DOCK5: variants seen among roughly 807,000 people sequenced by gnomAD.
DOCK5 encodes dedicator of cytokinesis 5, also known as dedicator of cytokinesis protein 5.
Under a neutral mutation model 251.8 loss-of-function variants are expected in DOCK5, and 142 were observed. The ratio of observed to expected loss-of-function variants is 0.56; its 90% CI spans 0.49 to 0.65. DOCK5 has a LOEUF of 0.65. DOCK5 is among the 30% of genes least tolerant of loss of function. DOCK5 has a pLI of 0.00. For synonymous variants in DOCK5, 842 were observed against 835.5 expected (o/e 1.01, Z -0.13); for missense variants, 2,111 against 2,312.3 (o/e 0.91, Z 1.79).
chr8:25,278,540 G>C (rs768219732), intron 4 of DOCK5, 29 bp from the exon 5 acceptor site: 2 of 1,609,806 alleles, frequency 1.2e-6, no homozygotes, highest in Admixed American at 1.7e-5. Flanking sequence ...CAGCCTAGAA[G>C]AAAGTGACCC....
At chr8:25,314,162 G>A (rs1222305093) in intron 13 of DOCK5, among the ~76,000 whole-genome samples, 1 of 149,652 alleles carries the variant, frequency 6.7e-6, no homozygotes, top group Non-Finnish European at 1.5e-5. Context: ...GCAGGCTGGA[G>A]TATAGTTGTG....
chr8:25,220,637 A>C (rs1200428034), intron 1 of DOCK5, among the ~76,000 whole-genome samples: 1 of 152,058 alleles, frequency 6.6e-6, no homozygotes, highest in Non-Finnish European at 1.5e-5. Flanking sequence ...TTTGAGACAG[A>C]GCCTTGCTGT....
intron 28 of DOCK5, among the ~76,000 whole-genome samples, chr8:25,360,047 T>G (rs17053452): frequency 0.27 from 41,838 of 152,140 alleles, 6,593 homozygotes; most frequent in East Asian, 0.35. Context: ...TGTTGTCATG[T>G]TGACACTAGT....
At chr8:25,196,224 G>T (rs1801722400) in intron 1 of DOCK5, among the ~76,000 whole-genome samples, 1 of 152,200 alleles carries the variant, frequency 6.6e-6, no homozygotes, top group Non-Finnish European at 1.5e-5. Flanking sequence ...GGAGGAAGGG[G>T]CACTGCAGAC....
At chr8:25,391,861 A>G in intron 42 of DOCK5, 35 bp from the exon 43 acceptor site, 1 of 1,600,966 alleles carries the variant, frequency 6.2e-7, no homozygotes, top group Middle Eastern at 1.7e-4. Context: ...TTGTTCTAAG[A>G]GAGAAAAATA....
intron 27 of DOCK5, among the ~76,000 whole-genome samples, chr8:25,352,817 CA>C (rs1210091446): frequency 6.6e-6 from 1 of 151,918 alleles, no homozygotes; most frequent in Non-Finnish European, 1.5e-5. Context: ...TAGGAGGCAA[CA>C]GGGGCTAGAG....
chr8:25,410,966 TGTGTGTGCGCGC>T (rs773637542), intron 51 of DOCK5, among the ~76,000 whole-genome samples: 1 of 81,926 alleles, frequency 1.2e-5, no homozygotes, highest in Non-Finnish European at 2.5e-5. Flanking sequence ...TGTGTGTGTG[TGTGTGTGCGCGC>T]GCGCGCACGC....
chr8:25,254,788 C>CAAAAAAAAAAAAAA (rs1314015647), intron 2 of DOCK5, among the ~76,000 whole-genome samples: 1 of 73,768 alleles, frequency 1.4e-5, no homozygotes, highest in Non-Finnish European at 2.2e-5. Context: ...AAAAACAAAA[C>CAAAAAAAAAAAAAA]AAAACAAAAA....
In DOCK5 at chr8:25,369,642, G is replaced by A. The variant is rs756142269; in HGVS notation, c.3524+1G>A. ...AATACAAGGTTCTTCTGGAAAAACT[G>A]TGAGTATTTCAGGAACGAAACCTGA... is the stretch of plus-strand genomic sequence containing the variant. On this transcript the variant is annotated splice_donor_variant, in intron 34 of 51. Transcript: ENST00000276440. LOFTEE classifies it high-confidence loss of function. 1.4e-5 allele frequency: 22 copies of A among 1,604,678 alleles called. No homozygotes were observed.
chr8:25,339,926 A>G (rs1056163900), intron 22 of DOCK5, among the ~76,000 whole-genome samples: 2 of 152,186 alleles, frequency 1.3e-5, no homozygotes, highest in African/African-American at 4.8e-5. Flanking sequence ...TTAAGAGGCC[A>G]TTGTGGTTTA....
intron 1 of DOCK5, among the ~76,000 whole-genome samples, chr8:25,227,361 G>A (rs1456180220): frequency 6.6e-6 from 1 of 151,032 alleles, no homozygotes. Context: ...AAGATAGGGA[G>A]TCTAATTTTG....
At chr8:25,359,491 A>C (rs1586360542) in intron 28 of DOCK5, among the ~76,000 whole-genome samples, 1 of 152,222 alleles carries the variant, frequency 6.6e-6, no homozygotes, top group Admixed American at 6.5e-5. Flanking sequence ...TGCCCTTTAC[A>C]ACTGGTCCGT....
At chr8:25,190,360 A>G (rs761975154) in intron 1 of DOCK5, among the ~76,000 whole-genome samples, 4 of 152,248 alleles carry the variant, frequency 2.6e-5, no homozygotes, top group Non-Finnish European at 5.9e-5. Context: ...TTAATGCATA[A>G]AGTACCAAGA....
intron 1 of DOCK5, among the ~76,000 whole-genome samples, chr8:25,189,154 G>A (rs1199973109): frequency 6.7e-6 from 1 of 149,526 alleles, no homozygotes; most frequent in Non-Finnish European, 1.5e-5. Context: ...CCAAGTTGCT[G>A]GAACTGCAGG....
intron 1 of DOCK5, among the ~76,000 whole-genome samples, chr8:25,242,393 A>C (rs1586257887): frequency 6.6e-6 from 1 of 152,180 alleles, no homozygotes; most frequent in South Asian, 2.1e-4. Context: ...GAAGTTCCCC[A>C]ACTGTTTTCA....
chr8:25,387,205 G>GAGACA (rs71880062), intron 40 of DOCK5, among the ~76,000 whole-genome samples: 9 of 816 alleles, frequency 0.011, no homozygotes, highest in Non-Finnish European at 0.029. Flanking sequence ...TTTTTTTTAA[G>GAGACA]AGGTCTCGCT....
At position 25,307,250 on chromosome 8, in the gene DOCK5, C is replaced by T. The variant is rs1249740482; in HGVS notation, c.1050-1533C>T. ...TCTCCTGCCTCAGCCTCCTGAGTAG[C>T]TGAGATTACAGGTGCATGCCATTAC... On this transcript the variant is annotated intron_variant, in intron 11 of 51. Coordinates refer to ENST00000276440, the MANE Select transcript of DOCK5 (RefSeq NM_024940.8). Among the ~76,000 whole-genome samples, 4 of 152,054 alleles carry T rather than the reference C, an allele frequency of 2.6e-5. No homozygotes were observed. In the East Asian group the frequency reaches 7.7e-4, roughly 29 times the overall value.
chr8:25,305,304 A>AAC (rs1023454727), intron 11 of DOCK5: 1 of 152,180 alleles, frequency 6.6e-6, no homozygotes, highest in African/African-American at 2.4e-5. Flanking sequence ...AAAAAAAAAA[A>AAC]AAAGGTTTTT....
intron 29 of DOCK5, among the ~76,000 whole-genome samples, chr8:25,363,358 G>C (rs1322270798): frequency 2.6e-5 from 4 of 152,136 alleles, no homozygotes; most frequent in Admixed American, 1.3e-4. Context: ...CCCTTCTCTA[G>C]CGTCGTCTCT....
Sources: gnomAD v4.1 joint callset for allele counts (sites outside exome capture counted in the v4.1 genomes callset) on GRCh38, gnomAD v4.1.1 for gene constraint, MANE v1.5 for transcripts, NCBI Gene and HGNC (gene_info 2026-07-23, HGNC 2026-07-21) for gene names.